SGK3: variants seen among roughly 807,000 people sequenced by gnomAD.
SGK3 encodes the protein serum/glucocorticoid regulated kinase family member 3.
In SGK3, 47 loss-of-function variants were observed where a neutral mutation model predicts 68.5. That is an observed-to-expected ratio of 0.69 (90% CI 0.54 to 0.87). The LOEUF (loss-of-function observed/expected upper bound fraction) is 0.87, where lower values mean the gene tolerates loss of function less well. Among genes scored for constraint, SGK3 ranks in the 40% least tolerant of loss-of-function variants. SGK3 has a pLI of 0.00. For synonymous variants in SGK3, 181 were observed against 189.1 expected (o/e 0.96, Z 0.35); for missense variants, 479 against 575.5 (o/e 0.83, Z 1.72).
chr8:66,782,628 C>A (rs1807036656), intron 1 of SGK3, among the ~76,000 whole-genome samples: 1 of 152,190 alleles, frequency 6.6e-6, no homozygotes, highest in South Asian at 2.1e-4. Context: ...TCTGCCTAGT[C>A]ATCGTTTCAC....
chr8:66,820,967 G>C (rs1334367526), intron 5 of SGK3, among the ~76,000 whole-genome samples: 3 of 152,242 alleles, frequency 2.0e-5, no homozygotes, highest in East Asian at 3.9e-4. Context: ...CAGCCTCACA[G>C]AGCATTGGGA....
intron 6 of SGK3, among the ~76,000 whole-genome samples, chr8:66,825,522 G>C (rs1226242706): frequency 6.6e-6 from 1 of 151,780 alleles, no homozygotes; most frequent in East Asian, 1.9e-4. Flanking sequence ...GTAGAGACGG[G>C]GTTTCACTGT....
chr8:66,783,939 G>C (rs1446166723), intron 1 of SGK3, among the ~76,000 whole-genome samples: 1 of 152,132 alleles, frequency 6.6e-6, no homozygotes, highest in Admixed American at 6.6e-5. Flanking sequence ...GCCCAGGCTG[G>C]AGTGCAGTGG....
intron 1 of SGK3, among the ~76,000 whole-genome samples, chr8:66,751,073 G>A (rs1805801345): frequency 6.6e-6 from 1 of 152,066 alleles, no homozygotes; most frequent in Non-Finnish European, 1.5e-5. Flanking sequence ...GCTGAGGTGG[G>A]CGGATCACGA....
chr8:66,787,632 A>G (rs909447245), intron 1 of SGK3, among the ~76,000 whole-genome samples: 1 of 152,202 alleles, frequency 6.6e-6, no homozygotes, highest in East Asian at 1.9e-4. Flanking sequence ...TCATCGGTCC[A>G]TTGAGCAAGC....
intron 16 of SGK3, among the ~76,000 whole-genome samples, chr8:66,856,748 C>T (rs1156948716): frequency 1.3e-5 from 2 of 152,118 alleles, no homozygotes; most frequent in African/African-American, 4.8e-5. Flanking sequence ...GCAATAACCT[C>T]AGGAGGTAGG....
chr8:66,770,196 C>T (rs887431553), intron 1 of SGK3, among the ~76,000 whole-genome samples: 10 of 151,550 alleles, frequency 6.6e-5, no homozygotes, highest in Non-Finnish European at 8.8e-5. Flanking sequence ...CCTCGTGATC[C>T]GCCTGCCTCG....
chr8:66,809,781 C>G (rs564006899), intron 4 of SGK3, among the ~76,000 whole-genome samples: 1 of 152,294 alleles, frequency 6.6e-6, no homozygotes, highest in South Asian at 2.1e-4. Context: ...ATTAATAGTT[C>G]TAGGCAAAGA....
intron 1 of SGK3, among the ~76,000 whole-genome samples, chr8:66,750,664 G>C (rs547084161): frequency 2.0e-4 from 31 of 151,678 alleles, no homozygotes; most frequent in African/African-American, 7.0e-4. Context: ...ACTCCAGCCT[G>C]GGCAACAGAG....
chr8:66,774,135 G>T (rs1161091679), intron 1 of SGK3, among the ~76,000 whole-genome samples: 1 of 152,140 alleles, frequency 6.6e-6, no homozygotes, highest in Non-Finnish European at 1.5e-5. Flanking sequence ...GAGCCCATGA[G>T]GTCACCAGGC....
At chr8:66,820,240 G>A (rs56345609) in intron 5 of SGK3, among the ~76,000 whole-genome samples, 19,628 of 151,992 alleles carry the variant, frequency 0.13, 2,408 homozygotes, top group African/African-American at 0.32. Context: ...TCCTCCCCCA[G>A]CCCTTGGCAA....
At chr8:66,726,805 A>AAAAAAAAAAAAAAC (rs1804998293) in intron 1 of SGK3, among the ~76,000 whole-genome samples, 1 of 146,546 alleles carries the variant, frequency 6.8e-6, no homozygotes, top group African/African-American at 2.6e-5. Context: ...TGTCTGTAAA[A>AAAAAAAAAAAAAAC]AAAAAAAAAA....
chr8:66,805,522 A>G (rs1031355214), intron 4 of SGK3, among the ~76,000 whole-genome samples: 4 of 150,298 alleles, frequency 2.7e-5, no homozygotes, highest in Admixed American at 6.6e-5. Context: ...TTCATCTCAA[A>G]AAAAAAAAAA....
At chr8:66,838,669 C>A (rs1423538721) in intron 10 of SGK3, among the ~76,000 whole-genome samples, 1 of 152,028 alleles carries the variant, frequency 6.6e-6, no homozygotes, top group Non-Finnish European at 1.5e-5. Context: ...GAAGGCTTGT[C>A]ATCTGAAAGA....
chr8:66,722,552 G>T (rs983528725), intron 1 of SGK3, among the ~76,000 whole-genome samples: 1 of 152,220 alleles, frequency 6.6e-6, no homozygotes. Flanking sequence ...GATTACAGGC[G>T]TGAGCCGCCG....
chr8:66,842,576 TG>T (rs1809841727), intron 13 of SGK3, among the ~76,000 whole-genome samples: 1 of 152,204 alleles, frequency 6.6e-6, no homozygotes, highest in African/African-American at 2.4e-5. Context: ...TATTTTGGAA[TG>T]TAAAATTCAA....
intron 1 of SGK3, chr8:66,767,743 A>G (rs781487553): frequency 6.4e-7 from 1 of 1,564,060 alleles, no homozygotes; most frequent in South Asian, 1.1e-5. Context: ...TTTGGCAGAA[A>G]AGCTTGGCTG....
chr8:66,799,488 T>C (rs1470092797), intron 3 of SGK3, among the ~76,000 whole-genome samples: 2 of 152,224 alleles, frequency 1.3e-5, no homozygotes, highest in Admixed American at 6.5e-5. Context: ...TTGAAGATCA[T>C]ACGTAGAAGC....
chr8:66,758,534 A>C (rs957845421), intron 1 of SGK3, among the ~76,000 whole-genome samples: 8 of 152,146 alleles, frequency 5.3e-5, no homozygotes, highest in African/African-American at 1.7e-4. Context: ...TAAGTGAAAT[A>C]TCTCTCTATA....
Sources: allele counts gnomAD v4.1 joint callset (sites outside exome capture counted in the v4.1 genomes callset), GRCh38; gene constraint gnomAD v4.1.1; transcripts MANE v1.5; gene names NCBI Gene and HGNC (gene_info 2026-07-23, HGNC 2026-07-21).